CDK5RAP1: variants seen among roughly 807,000 people sequenced by gnomAD.
The protein encoded by CDK5RAP1 is CDK5RAP1 mitochondrial tRNA methylthiotransferase.
CDK5RAP1 carries 62 observed loss-of-function variants against 64.5 expected under a neutral mutation model. That is an observed-to-expected ratio of 0.96 (90% CI 0.78 to 1.19). The LOEUF is 1.19. Among genes scored for constraint, CDK5RAP1 ranks in the 50% most tolerant of loss-of-function variants. CDK5RAP1 has a pLI of 0.00. For missense variants in CDK5RAP1, 657 were observed against 735.0 expected, an observed-to-expected ratio of 0.89 and a Z score of 1.23; for synonymous variants, 250 against 261.9, an observed-to-expected ratio of 0.95 and a Z score of 0.44.
intron 4 of CDK5RAP1, among the ~76,000 whole-genome samples, 199 bp from the exon 5 acceptor site, chr20:33,392,441 T>A (rs1388140773): frequency 6.6e-6 from 1 of 151,256 alleles, no homozygotes; most frequent in Admixed American, 6.6e-5. Flanking sequence ...TGTAAAACAT[T>A]AGGAGATTTT....
Position 33,389,881 on chromosome 20 carries a change from GA to G in CDK5RAP1, c.544+2260del, listed in dbSNP as rs200754002. Among the ~76,000 whole-genome samples the G allele has an allele frequency of 5.8e-3, 860 of 147,782 alleles. 6 individuals carry two copies. Among genetic ancestry groups the G allele is most frequent in the Middle Eastern group, 0.011 (3 of 282 alleles). On this transcript the variant is annotated intron_variant, in intron 5 of 13. Transcript: ENST00000346416. ...ACTAAGAAAAATTCTTCTGCCTTGG[GA>G]AAAAAAAATAATTTTTCAATGAACA...
chr20:33,397,442 T>C (rs291697), intron 1 of CDK5RAP1, among the ~76,000 whole-genome samples: 95,281 of 152,026 alleles, frequency 0.63, 30,342 homozygotes, highest in South Asian at 0.71. Flanking sequence ...AGGAAGCAGA[T>C]ACTATTATTG....
Position 33,385,701 on chromosome 20 carries a change from C to T in CDK5RAP1, c.825G>A (p.Arg275=), listed in dbSNP as rs765068252. 1.9e-6 allele frequency: 3 copies of T among 1,614,160 alleles called. No individual in the cohort carries two copies. Among genetic ancestry groups the T allele is most frequent in the Non-Finnish European group, 1.7e-6 (2 of 1,179,986 alleles). The stretch of plus-strand genomic sequence containing the variant: ...CTAGAATGGAGGCAATAGGCCGACT[C>T]CTCTCCCTGCCCCGGGTGAAAGGAA... ...CIVPFTRGRE[R]SRPIASILEE... is the part of the protein sequence containing the mutation. Residue 275 remains arginine (R), a synonymous_variant, in exon 7 of 14, where the codon AGG becomes AGA. Coordinates refer to ENST00000346416, the MANE Select transcript of CDK5RAP1 (RefSeq NM_016408.4).
rs201517630 is a variant in CDK5RAP1, at chr20:33,392,209, T to C, written c.477A>G (p.Leu159=). 4 of 1,613,982 alleles carry C rather than the reference T, an allele frequency of 2.5e-6. No individual in the cohort carries two copies. Among genetic ancestry groups the C allele is most frequent in the Admixed American group, 1.7e-5 (1 of 60,008 alleles). ...TTGTCTTCAAGGCTTTAAGCTGATGTAAACGGTTCCAGATGGTCTGCTCAG... is the reference window on the plus strand; with the variant it reads ...TTGTCTTCAAGGCTTTAAGCTGATGCAAACGGTTCCAGATGGTCTGCTCAG... ...EKAEQTIWNR[L]HQLKALKTRR... The change falls in exon 5 of 14, where the codon TTA becomes TTG. Residue 159 remains leucine (L), a synonymous_variant. Transcript: ENST00000346416.
chr20:33,370,670 T>C (rs774284099), intron 10 of CDK5RAP1, 41 bp from the exon 11 acceptor site: 1 of 1,612,346 alleles, frequency 6.2e-7, no homozygotes, highest in Admixed American at 1.7e-5. Context: ...CTGCCTGCTG[T>C]TTACCTTCAA....
intron 11 of CDK5RAP1, among the ~76,000 whole-genome samples, chr20:33,369,144 A>G (rs1438245452): frequency 1.3e-5 from 2 of 151,750 alleles, no homozygotes; most frequent in African/African-American, 4.8e-5. Context: ...GTCTCAAAAA[A>G]AAAAAGAATT....
intron 2 of CDK5RAP1, 38 bp from the exon 3 acceptor site, chr20:33,395,154 A>G: frequency 2.5e-6 from 3 of 1,192,892 alleles, no homozygotes; most frequent in Non-Finnish European, 2.5e-6. Context: ...TGGTAGACAG[A>G]CAACAAGGGG....
chr20:33,394,136 C>T, intron 3 of CDK5RAP1, 70 bp from the exon 4 acceptor site: 1 of 1,014,480 alleles, frequency 9.9e-7, no homozygotes, highest in Non-Finnish European at 1.5e-6. Context: ...ACAATTCCTG[C>T]CCTACAGCTC....
chr20:33,397,191 T>G, intron 1 of CDK5RAP1, 107 bp from the exon 2 acceptor site: 1 of 768,998 alleles, frequency 1.3e-6, no homozygotes, highest in Non-Finnish European at 2.0e-6. Flanking sequence ...CAAAAGCCCA[T>G]GAAGAAGGTA....
chr20:33,379,731 G>T (rs1179132804), intron 7 of CDK5RAP1, 40 bp from the exon 8 acceptor site: 2 of 1,430,160 alleles, frequency 1.4e-6, no homozygotes, highest in Non-Finnish European at 1.9e-6. Context: ...AAAACTTTTG[G>T]GTAGCTTCAT....
chr20:33,368,459 A>ATTTT lies in CDK5RAP1; in HGVS notation c.1393-1455_1393-1452dup, dbSNP rs35954744. ...AGGCATGTGCCACCACTCTCGGCTAATTTTTTTTTTTTTTTTTTTTTTTTT... is the reference window on the plus strand; with the variant it reads ...AGGCATGTGCCACCACTCTCGGCTAATTTTTTTTTTTTTTTTTTTTTTTTTTTTT... On this transcript the variant is annotated intron_variant, in intron 11 of 13. Coordinates refer to ENST00000346416, the MANE Select transcript of CDK5RAP1 (RefSeq NM_016408.4). Among the ~76,000 whole-genome samples, 131 of 67,602 alleles carry ATTTT rather than the reference A, an allele frequency of 1.9e-3. 12 individuals carry two copies. The highest frequency in any genetic ancestry group is 2.5e-3 in the Non-Finnish European group (95 of 37,882). The allele number at this position is 67,602 out of a possible 152,430, so 44.3% of individuals were successfully genotyped here.
chr20:33,396,779 GA>G lies in CDK5RAP1; in HGVS notation c.285del (p.Gly97GlufsTer15). ...DPPPYLMMDE[L>X]LGRQRKVYLE... ...AACCAACCTTTTCTCTGCCTTCCAA[GA>G]AGTTCATCCATCATGAGATAGGGAG... On this transcript the variant is annotated frameshift_variant, in exon 2 of 14. Transcript: ENST00000346416. LOFTEE classifies it high-confidence loss of function. 1 of 1,612,894 alleles carries G rather than the reference GA, an allele frequency of 6.2e-7. No individual in the cohort carries two copies. Among genetic ancestry groups the G allele is most frequent in the Non-Finnish European group, 8.5e-7 (1 of 1,179,170 alleles).
In CDK5RAP1 at chr20:33,387,354, G is replaced by A. The variant is rs535114695; in HGVS notation, c.724C>T (p.Gln242Ter). ...DETYADVMPVQTSASATSAFV... is the reference protein window; with the variant it reads ...DETYADVMPV Reference sequence around the variant, plus strand: ...GCAGACGTGGCACTGGCGCTTGTCTGGACTGGCATGACATCAGCATAGGTC... The same window carrying A: ...GCAGACGTGGCACTGGCGCTTGTCTAGACTGGCATGACATCAGCATAGGTC... Residue 242 changes from glutamine (Q) to a stop codon, truncating the protein, a stop_gained, in exon 6 of 14, where the codon CAG (glutamine) becomes TAG (stop). Coordinates refer to ENST00000346416, the MANE Select transcript of CDK5RAP1 (RefSeq NM_016408.4). LOFTEE classifies it high-confidence loss of function. The A allele has an allele frequency of 1.5e-5, 24 of 1,614,056 alleles. No homozygotes were observed. In the South Asian group the frequency reaches 2.5e-4, roughly 17 times the overall value.
rs1027049133 is a variant in CDK5RAP1 at position 33,373,060 on chromosome 20, C to T, written c.1206-363G>A. 3.5e-5 allele frequency: 7 copies of T among 198,902 alleles called. No homozygotes were observed. The Admixed American group carries it at 3.7e-4, about 10-fold the overall frequency. The allele number at this position is 198,902 out of a possible 1,614,324, so 12.3% of individuals were successfully genotyped here. On this transcript the variant is annotated intron_variant, in intron 9 of 13. Transcript: ENST00000346416. ...TTGAGTAGCTGGGACCACAGATGTG[C>T]GCCACCACACCCAGCTAGTGTGTGT...
chr20:33,363,760 G>A (rs924563747), intron 12 of CDK5RAP1, among the ~76,000 whole-genome samples: 13 of 152,042 alleles, frequency 8.6e-5, no homozygotes, highest in Non-Finnish European at 1.8e-4. Context: ...TTAGCCAGGC[G>A]TGGTTGTACA....
chr20:33,394,624 G>A (rs985999667), intron 3 of CDK5RAP1, among the ~76,000 whole-genome samples: 2 of 151,950 alleles, frequency 1.3e-5, no homozygotes, highest in African/African-American at 4.8e-5. Flanking sequence ...TGGGATTACA[G>A]GCATGGTGAC....
intron 12 of CDK5RAP1, among the ~76,000 whole-genome samples, chr20:33,366,342 C>T (rs1322813472): frequency 2.1e-5 from 3 of 141,904 alleles, no homozygotes; most frequent in Admixed American, 7.1e-5. Flanking sequence ...AAAAAAAAGG[C>T]CGGGCACGGT....
intron 11 of CDK5RAP1, among the ~76,000 whole-genome samples, chr20:33,369,988 A>T (rs1372658059): frequency 6.6e-6 from 1 of 152,162 alleles, no homozygotes; most frequent in Non-Finnish European, 1.5e-5. Context: ...CCTTCTCTTC[A>T]GGAAAAGTGC....
At position 33,358,981 on chromosome 20, in the gene CDK5RAP1, C is replaced by A; in HGVS notation, c.*62G>T. On this transcript the variant is annotated 3_prime_UTR_variant, in exon 14 of 14. Transcript: ENST00000346416. ...CATGACCTGTTTCCTCAGTGGCAGGCAATGTCTCCCCTTCCTGTTGGGGAG... is the reference window on the plus strand; with the variant it reads ...CATGACCTGTTTCCTCAGTGGCAGGAAATGTCTCCCCTTCCTGTTGGGGAG... 8.3e-7 allele frequency: 1 copy of A among 1,208,832 alleles called. No individual in the cohort carries two copies. Among genetic ancestry groups the A allele is most frequent in the South Asian group, 1.2e-5 (1 of 80,336 alleles). 74.9% of individuals were successfully genotyped at this position (1,208,832 alleles called of 1,614,324 possible). A position where few individuals can be genotyped will look rare whatever the true frequency, so the allele number is the denominator to read the frequency against.
Sources: allele counts gnomAD v4.1 joint callset (sites outside exome capture counted in the v4.1 genomes callset), GRCh38; gene constraint gnomAD v4.1.1; transcripts MANE v1.5; gene names NCBI Gene and HGNC (gene_info 2026-07-23, HGNC 2026-07-21).